Variants in AXL observed in about 807,000 individuals in gnomAD.
AXL encodes the protein tyrosine-protein kinase receptor UFO.
Under a neutral mutation model 104.5 loss-of-function variants are expected in AXL, and 52 were observed. The observed-to-expected ratio is 0.50, with a 90% CI of 0.40 to 0.63. The LOEUF (loss-of-function observed/expected upper bound fraction) is 0.63, where lower values mean the gene tolerates loss of function less well. AXL is among the 20% of genes least tolerant of loss of function. AXL has a pLI of 0.00. For synonymous variants in AXL, 455 were observed against 473.7 expected, an observed-to-expected ratio of 0.96 and a Z score of 0.51; for missense variants, 1,024 against 1,188.5, an observed-to-expected ratio of 0.86 and a Z score of 2.04.
At chr19:41,251,522 A>C (rs923705601) in intron 14 of AXL, among the ~76,000 whole-genome samples, 3 of 151,134 alleles carry the variant, frequency 2.0e-5, no homozygotes, top group Non-Finnish European at 4.4e-5. Context: ...AGATTGCGCC[A>C]TTGCACTCAA....
rs755029075 is a variant in AXL, at chr19:41,237,991, C to T, written c.831C>T (p.Asp277=). 6.2e-7 allele frequency: 1 copy of T among 1,613,646 alleles called. No individual in the cohort carries two copies. Among genetic ancestry groups the T allele is most frequent in the Non-Finnish European group, 8.5e-7 (1 of 1,179,854 alleles). ...TGGGCATCCAGGCGGGAGAACCAGACCCCCCAGAGGAGCCCCTCACCTCGC... is the reference window on the plus strand; with the variant it reads ...TGGGCATCCAGGCGGGAGAACCAGATCCCCCAGAGGAGCCCCTCACCTCGC... The part of the protein sequence containing the change: ...DGMGIQAGEP[D]PPEEPLTSQA... The change falls in exon 7 of 20, where the codon GAC becomes GAT. Residue 277 remains aspartate (D), a synonymous_variant. Transcript: ENST00000301178.
At chr19:41,252,306 T>C in intron 14 of AXL, 45 bp from the exon 15 acceptor site, 1 of 1,489,552 alleles carries the variant, frequency 6.7e-7, no homozygotes, top group Non-Finnish European at 9.4e-7. Context: ...GGGAGAGTCC[T>C]CCCTCTCCTC....
At chr19:41,237,240 T>G (rs1255557118) in intron 6 of AXL, among the ~76,000 whole-genome samples, 1 of 152,154 alleles carries the variant, frequency 6.6e-6, no homozygotes, top group African/African-American at 2.4e-5. Context: ...GCTATTATTA[T>G]GATGATCATT....
rs73550504 is a variant in AXL at position 41,219,505 on chromosome 19, G to A, written c.85+28G>A. On this transcript the variant is annotated intron_variant, in intron 1 of 19. Transcript: ENST00000301178. ...GAGTGATGGGGGCTCCTTGGGGCAG[G>A]GATCCCCTCGGAGGGGCTGGGGCAG... 5,483 of 1,583,376 alleles carry A rather than the reference G, an allele frequency of 3.5e-3. 164 individuals carry two copies. The African/African-American group carries it at 0.062, about 18-fold the overall frequency.
intron 1 of AXL, 173 bp from the exon 2 acceptor site, chr19:41,220,463 T>A: frequency 1.7e-6 from 1 of 605,946 alleles, no homozygotes; most frequent in Non-Finnish European, 2.9e-6. Flanking sequence ...AGGGCTCCCG[T>A]CCTCCTCTCA....
Position 41,222,067 on chromosome 19 carries a change from G to A in AXL, c.586+11G>A. On this transcript the variant is annotated intron_variant, in intron 4 of 19. Transcript: ENST00000301178. ...GCCTGCATGTTCCAGGTGAGTCCGGGGATGTGGGTCAGCTCCGAATAGGGG... is the reference window on the plus strand; with the variant it reads ...GCCTGCATGTTCCAGGTGAGTCCGGAGATGTGGGTCAGCTCCGAATAGGGG... 1 of 1,536,980 alleles carries A rather than the reference G, an allele frequency of 6.5e-7. No homozygotes were observed. Among genetic ancestry groups the A allele is most frequent in the Non-Finnish European group, 8.7e-7 (1 of 1,146,170 alleles).
At chr19:41,242,392 C>A (rs187026379) in intron 10 of AXL, among the ~76,000 whole-genome samples, 1 of 142,410 alleles carries the variant, frequency 7.0e-6, no homozygotes, top group African/African-American at 2.6e-5. Context: ...GGCCCAGTCT[C>A]GGCTCACTGA....
intron 2 of AXL, 114 bp downstream of exon 2, chr19:41,220,972 G>A: frequency 7.6e-7 from 1 of 1,315,778 alleles, no homozygotes; most frequent in African/African-American, 1.5e-5. Flanking sequence ...CTTTGAGCAT[G>A]TGATGGAACC....
In AXL at chr19:41,260,716, T is replaced by G. The variant is rs948785271; in HGVS notation, c.*812T>G. ...GTTTTAGGTTCTAAAGTTCTAAGAT[T>G]CTGATTTTAGGAGCTAAGGCTCTAT... On this transcript the variant is annotated 3_prime_UTR_variant, in exon 20 of 20. Transcript: ENST00000301178. The G allele has an allele frequency of 1.3e-5, 2 of 152,214 alleles. No individual in the cohort carries two copies. The highest frequency in any genetic ancestry group is 2.9e-5 in the Non-Finnish European group (2 of 68,040). The allele number at this position is 152,214 out of a possible 1,614,324, so 9.4% of individuals were successfully genotyped here.
chr19:41,219,657 G>A (rs1238180610), intron 1 of AXL, among the ~76,000 whole-genome samples, 180 bp downstream of exon 1: 1 of 151,704 alleles, frequency 6.6e-6, no homozygotes, highest in African/African-American at 2.4e-5. Flanking sequence ...GTGCGGCAGA[G>A]GGAGAGAAAG....
intron 19 of AXL, 56 bp from the exon 20 acceptor site, chr19:41,259,497 A>C: frequency 6.8e-7 from 1 of 1,467,652 alleles, no homozygotes; most frequent in Non-Finnish European, 9.3e-7. Flanking sequence ...AGGCTTCCAG[A>C]ATGCACCCCT....
In AXL at chr19:41,238,068, C is replaced by A. The variant is rs771258043; in HGVS notation, c.908C>A (p.Thr303Asn). 3 of 1,613,934 alleles carry A rather than the reference C, an allele frequency of 1.9e-6. No individual in the cohort carries two copies. The Admixed American group carries it at 5.0e-5, about 27-fold the overall frequency. The stretch of plus-strand genomic sequence containing the variant: ...CGGCTAGGCAGCCTCCATCCTCACA[C>A]CCCTTATCACATCCGCGTGGCATGC... Reference protein sequence around the residue: ...QLRLGSLHPHTPYHIRVACTS... With the variant: ...QLRLGSLHPHNPYHIRVACTS... The change falls in exon 7 of 20, where the codon ACC becomes AAC. Residue 303 changes from threonine (T) to asparagine (N), a missense_variant. Physicochemically the swap from Thr to Asn is moderately conservative, Grantham distance 65. This residue lies in a region of AXL where 332 missense variants were observed against 343.9 expected (regional missense o/e 0.97). Transcript: ENST00000301178.
chr19:41,248,908 A>G, intron 14 of AXL, 88 bp downstream of exon 14: 1 of 1,379,126 alleles, frequency 7.3e-7, no homozygotes, highest in South Asian at 1.5e-5. Context: ...CATAGCTTAG[A>G]ACTTCTGGTG....
intron 17 of AXL, among the ~76,000 whole-genome samples, chr19:41,254,169 G>A (rs1266596285): frequency 1.3e-5 from 2 of 151,680 alleles, no homozygotes; most frequent in Non-Finnish European, 2.9e-5. Context: ...TTGGGAGTCC[G>A]AGGCGGGTGG....
intron 1 of AXL, 44 bp from the exon 2 acceptor site, chr19:41,220,592 G>C: frequency 6.6e-7 from 1 of 1,509,950 alleles, no homozygotes. Flanking sequence ...GGGCCGGAAG[G>C]AGCTGGGGGG....
At chr19:41,250,188 G>C (rs887323265) in intron 14 of AXL, among the ~76,000 whole-genome samples, 10 of 152,156 alleles carry the variant, frequency 6.6e-5, no homozygotes, top group Non-Finnish European at 5.9e-5. Context: ...TGTTAATGTG[G>C]AGTAGGACTA....
At chr19:41,233,540 A>G (rs538338286) in intron 6 of AXL, among the ~76,000 whole-genome samples, 4 of 151,576 alleles carry the variant, frequency 2.6e-5, no homozygotes, top group African/African-American at 9.7e-5. Flanking sequence ...CTGAAGTGGG[A>G]CAATCACCTG....
rs1178749073 is a variant in AXL, at chr19:41,238,605, C to A, written c.1130C>A (p.Pro377Gln). 1 of 1,606,082 alleles carries A rather than the reference C, an allele frequency of 6.2e-7. No individual in the cohort carries two copies. Among genetic ancestry groups the A allele is most frequent in the Admixed American group, 1.7e-5 (1 of 59,382 alleles). The change falls in exon 8 of 20, where the codon CCA becomes CAA. Residue 377 changes from proline to glutamine, a missense_variant. Pro to Gln is a moderately conservative substitution (Grantham distance 76). This residue lies in a region of AXL where 332 missense variants were observed against 343.9 expected (regional missense o/e 0.97). Coordinates refer to ENST00000301178, the MANE Select transcript of AXL (RefSeq NM_021913.5). ...YRLAYQGQDT[P>Q]EVLMDIGLRQ... ...CTGGCGTATCAAGGCCAGGACACCC[C>A]AGAGGTGGGTGCTGCTGGTGGGATT... is the stretch of plus-strand genomic sequence containing the variant.
chr19:41,230,937 A>G, intron 4 of AXL, 30 bp from the exon 5 acceptor site: 2 of 1,607,834 alleles, frequency 1.2e-6, no homozygotes, highest in African/African-American at 1.3e-5. Context: ...CCTCTCTGAT[A>G]TTGGACCCTT....
Sources: gnomAD v4.1 joint callset for allele counts (sites outside exome capture counted in the v4.1 genomes callset) on GRCh38, gnomAD v4.1.1 for gene constraint, gnomAD v4.1.1 regional missense constraint, MANE v1.5 for transcripts, NCBI Gene and HGNC (gene_info 2026-07-23, HGNC 2026-07-21) for gene names.